Variants in TANC1 observed in about 807,000 individuals in gnomAD.
TANC1 encodes tetratricopeptide repeat, ankyrin repeat and coiled-coil containing 1, also known as protein TANC1.
A neutral mutation model predicts 149.7 loss-of-function variants in TANC1; 77 were observed. The ratio of observed to expected loss-of-function variants is 0.51; its 90% CI spans 0.43 to 0.62. The LOEUF (loss-of-function observed/expected upper bound fraction) is 0.62, where lower values mean the gene tolerates loss of function less well. Among genes scored for constraint, TANC1 ranks in the 20% least tolerant of loss-of-function variants. The pLI is 0.00. For missense variants in TANC1, 1,985 were observed against 2,321.8 expected, an observed-to-expected ratio of 0.85 and a Z score of 2.98; for synonymous variants, 854 against 925.0, an observed-to-expected ratio of 0.92 and a Z score of 1.39.
chr2:159,153,332 C>G (rs865976050), intron 7 of TANC1, among the ~76,000 whole-genome samples: 1 of 152,228 alleles, frequency 6.6e-6, no homozygotes, highest in South Asian at 2.1e-4. Flanking sequence ...TCTGCTCAAG[C>G]CAACATTTTC....
At chr2:159,126,217 A>G (rs1341702259) in intron 4 of TANC1, among the ~76,000 whole-genome samples, 1 of 152,164 alleles carries the variant, frequency 6.6e-6, no homozygotes, top group African/African-American at 2.4e-5. Context: ...TTGGAATGAT[A>G]TCTTTAGAAT....
chr2:159,150,761 C>G, intron 7 of TANC1: 1 of 475,956 alleles, frequency 2.1e-6, no homozygotes, highest in Non-Finnish European at 3.7e-6. Context: ...TACTTTATAA[C>G]AGTCAGCTCA....
rs768140715 is a variant in TANC1, at chr2:159,217,643, C to G, written c.3378+13C>G. 1 of 1,613,394 alleles carries G rather than the reference C, an allele frequency of 6.2e-7. No homozygotes were observed. On this transcript the variant is annotated intron_variant, in intron 20 of 26. Transcript: ENST00000263635. ...GGGGCATTGGCAGGTACCCAGGGGGCCCCTGAATGCTTCAGAAGCAATGAG... is the reference window on the plus strand; with the variant it reads ...GGGGCATTGGCAGGTACCCAGGGGGGCCCTGAATGCTTCAGAAGCAATGAG...
In TANC1 at chr2:159,029,588, C is replaced by T. The variant is rs561476532; in HGVS notation, c.-16+28399C>T. ...ATGCCTTATAATTATTTTTTAGAGA[C>T]AGTCTTGCTCTGTCAACCAGGCTGG... On this transcript the variant is annotated intron_variant, in intron 2 of 26. Transcript: ENST00000263635. 3.9e-5 allele frequency among the ~76,000 whole-genome samples: 6 copies of T among 152,234 alleles called. No homozygotes were observed. The South Asian group carries it at 1.2e-3, about 32-fold the overall frequency.
intron 4 of TANC1, among the ~76,000 whole-genome samples, chr2:159,133,869 G>T (rs2050367807): frequency 6.6e-6 from 1 of 152,170 alleles, no homozygotes; most frequent in Non-Finnish European, 1.5e-5. Context: ...TATTTGTAAA[G>T]TATTATTAGC....
chr2:159,150,845 A>G (rs1016304290), intron 7 of TANC1: 2 of 304,414 alleles, frequency 6.6e-6, no homozygotes, highest in African/African-American at 4.3e-5. Context: ...GCTCTTCTAT[A>G]TTCAGTTCCA....
intron 1 of TANC1, among the ~76,000 whole-genome samples, chr2:158,971,979 C>CATTTTT (rs2149160836): frequency 6.6e-6 from 1 of 152,294 alleles, no homozygotes; most frequent in African/African-American, 2.4e-5. Context: ...TCTCACAATA[C>CATTTTT]ATTTTTAGGG....
rs1021803664 is a variant in TANC1, at chr2:159,194,501, G to A, written c.2979+8G>A. The stretch of plus-strand genomic sequence containing the variant: ...ACCAAGAAGGGAGTGAGAGTAAGCG[G>A]CAGCCTGCTCTTTTGGGGCTGGGGC... On this transcript the variant is annotated splice_region_variant and intron_variant, in intron 17 of 26. Transcript: ENST00000263635. 2.5e-6 allele frequency: 4 copies of A among 1,611,148 alleles called. No homozygotes were observed. The highest frequency in any genetic ancestry group is 1.1e-5 in the South Asian group (1 of 91,020).
intron 2 of TANC1, among the ~76,000 whole-genome samples, chr2:159,052,393 C>T (rs1035572704): frequency 6.6e-6 from 1 of 151,984 alleles, no homozygotes; most frequent in African/African-American, 2.4e-5. Flanking sequence ...CTAGCAGTGG[C>T]GTGTATGTGA....
intron 1 of TANC1, among the ~76,000 whole-genome samples, chr2:158,992,056 G>A (rs974364677): frequency 2.0e-5 from 3 of 151,950 alleles, no homozygotes; most frequent in Non-Finnish European, 4.4e-5. Context: ...TTTGGAAAGC[G>A]AGAGAAAAGA....
intron 1 of TANC1, among the ~76,000 whole-genome samples, chr2:158,991,961 TCAAAA>T (rs1353083804): frequency 1.3e-5 from 2 of 152,178 alleles, no homozygotes; most frequent in African/African-American, 4.8e-5. Context: ...ATTATTTCAG[TCAAAA>T]TTAATCACTC....
intron 4 of TANC1, among the ~76,000 whole-genome samples, chr2:159,126,240 A>G (rs1386375371): frequency 6.6e-6 from 1 of 152,192 alleles, no homozygotes; most frequent in Non-Finnish European, 1.5e-5. Context: ...GGCCCACCAA[A>G]GGCAGAATTC....
chr2:159,177,642 A>C (rs1334158830), intron 13 of TANC1, among the ~76,000 whole-genome samples: 1 of 152,226 alleles, frequency 6.6e-6, no homozygotes, highest in Non-Finnish European at 1.5e-5. Context: ...AGAGCTTCAG[A>C]TAGCATCCAT....
intron 7 of TANC1, among the ~76,000 whole-genome samples, chr2:159,157,504 C>T (rs770892691): frequency 1.6e-4 from 25 of 152,126 alleles, no homozygotes; most frequent in Non-Finnish European, 3.1e-4. Flanking sequence ...AAGAGAGGGA[C>T]GCCACCTGTC....
chr2:159,064,374 A>T (rs574474485), intron 2 of TANC1, among the ~76,000 whole-genome samples: 3 of 152,366 alleles, frequency 2.0e-5, no homozygotes, highest in Non-Finnish European at 4.4e-5. Context: ...ACTTGTGTGT[A>T]AGATGATTTT....
intron 7 of TANC1, among the ~76,000 whole-genome samples, chr2:159,158,388 A>T (rs935263780): frequency 6.6e-6 from 1 of 152,152 alleles, no homozygotes; most frequent in Non-Finnish European, 1.5e-5. Flanking sequence ...GTAGAGCCCC[A>T]TTCTAGGATA....
Position 159,175,058 on chromosome 2 carries a change from G to C in TANC1, c.1609G>C (p.Ala537Pro). 6.2e-7 allele frequency: 1 copy of C among 1,614,180 alleles called. No homozygotes were observed. The highest frequency in any genetic ancestry group is 8.5e-7 in the Non-Finnish European group (1 of 1,180,040). Residue 537 changes from alanine (A) to proline (P), a missense_variant, in exon 12 of 27, where the codon GCC becomes CCC. This residue lies in a region of TANC1 where 508 missense variants were observed against 714.2 expected (regional missense o/e 0.71). Coordinates refer to ENST00000263635, the MANE Select transcript of TANC1 (RefSeq NM_033394.3). ...ALLCRSHQLA[A>P]YRDLLIKEPQ... ...GCTCTGCCGGTCCCATCAGCTGGCC[G>C]CCTACAGAGACCTTCTGATAAAGGA...
intron 2 of TANC1, among the ~76,000 whole-genome samples, chr2:159,022,403 A>T (rs560449406): frequency 3.4e-4 from 52 of 152,198 alleles, no homozygotes; most frequent in African/African-American, 1.1e-3. Context: ...TGAATTCAGG[A>T]TGTTTGTTCC....
chr2:159,046,241 G>A (rs558189987), intron 2 of TANC1, among the ~76,000 whole-genome samples: 3 of 152,106 alleles, frequency 2.0e-5, no homozygotes, highest in African/African-American at 7.2e-5. Flanking sequence ...TTTAGACTGC[G>A]TCTCTCTTTT....
Sources: gnomAD v4.1 joint callset for allele counts (sites outside exome capture counted in the v4.1 genomes callset) on GRCh38, gnomAD v4.1.1 for gene constraint, gnomAD v4.1.1 regional missense constraint, MANE v1.5 for transcripts, NCBI Gene and HGNC (gene_info 2026-07-23, HGNC 2026-07-21) for gene names.